Variants in PCDH9 observed in about 807,000 individuals in gnomAD.
PCDH9 encodes protocadherin-9.
PCDH9 carries 24 observed loss-of-function variants against 70.6 expected under a neutral mutation model. The ratio of observed to expected loss-of-function variants is 0.34; its 90% CI spans 0.25 to 0.48. PCDH9 has a LOEUF of 0.48. Ranked by LOEUF, PCDH9 falls within the 20% of genes least tolerant of loss-of-function variation. PCDH9 has a pLI of 0.99. For synonymous variants in PCDH9, 562 were observed against 558.5 expected (o/e 1.01, Z -0.09); for missense variants, 1,281 against 1,503.6 (o/e 0.85, Z 2.45).
chr13:67,192,155 G>A (rs2088933530), intron 2 of PCDH9, among the ~76,000 whole-genome samples: 1 of 151,978 alleles, frequency 6.6e-6, no homozygotes, highest in African/African-American at 2.4e-5. Flanking sequence ...AATACATATT[G>A]GGGATGGGGA....
intron 4 of PCDH9, among the ~76,000 whole-genome samples, chr13:66,430,836 G>C (rs569017220): frequency 6.6e-6 from 1 of 152,216 alleles, no homozygotes; most frequent in East Asian, 1.9e-4. Context: ...CAAAGGGTCT[G>C]TAGTGTGGGT....
At chr13:66,810,783 T>C (rs1451862570) in intron 3 of PCDH9, among the ~76,000 whole-genome samples, 2 of 151,800 alleles carry the variant, frequency 1.3e-5, no homozygotes, top group African/African-American at 4.8e-5. Context: ...TTTGGTGAAA[T>C]ATTTCAAGCT....
intron 4 of PCDH9, among the ~76,000 whole-genome samples, chr13:66,521,804 T>C (rs1380439932): frequency 8.5e-5 from 13 of 152,074 alleles, no homozygotes; most frequent in Admixed American, 8.5e-4. Context: ...TAGGGATTCT[T>C]AATCTGGGTC....
intron 4 of PCDH9, among the ~76,000 whole-genome samples, chr13:66,535,142 A>G (rs1019890922): frequency 6.6e-6 from 1 of 152,090 alleles, no homozygotes; most frequent in Non-Finnish European, 1.5e-5. Flanking sequence ...TGATAATAAT[A>G]ATAAAGTAAC....
intron 2 of PCDH9, among the ~76,000 whole-genome samples, chr13:67,075,982 T>G (rs1202100042): frequency 1.3e-5 from 2 of 152,172 alleles, no homozygotes; most frequent in Non-Finnish European, 2.9e-5. Context: ...ATGAGTACAT[T>G]ATTAGATTTA....
At chr13:67,027,504 A>C (rs1339255062) in intron 2 of PCDH9, among the ~76,000 whole-genome samples, 1 of 152,144 alleles carries the variant, frequency 6.6e-6, no homozygotes, top group Non-Finnish European at 1.5e-5. Flanking sequence ...GGACACAGGC[A>C]TGGGCAAGGA....
At chr13:66,581,285 A>G (rs1251578420) in intron 4 of PCDH9, among the ~76,000 whole-genome samples, 4 of 152,148 alleles carry the variant, frequency 2.6e-5, no homozygotes. Flanking sequence ...GTCACTGGCA[A>G]CTCAGTATCA....
At chr13:67,208,415 T>A (rs1011593441) in intron 2 of PCDH9, 2 of 152,138 alleles carry the variant, frequency 1.3e-5, no homozygotes, top group Admixed American at 1.3e-4. Flanking sequence ...CAGAGAGCCA[T>A]ATGGTTATTC....
intron 3 of PCDH9, among the ~76,000 whole-genome samples, chr13:66,765,922 T>C (rs1267345996): frequency 6.6e-6 from 1 of 152,026 alleles, no homozygotes; most frequent in Non-Finnish European, 1.5e-5. Flanking sequence ...TCCCTTGAAA[T>C]AGTGCACTAT....
chr13:67,006,511 T>C (rs1240660660), intron 2 of PCDH9, among the ~76,000 whole-genome samples: 1 of 152,148 alleles, frequency 6.6e-6, no homozygotes, highest in Non-Finnish European at 1.5e-5. Context: ...AAATAAGTAT[T>C]TGTAGTCATA....
intron 2 of PCDH9, among the ~76,000 whole-genome samples, chr13:66,917,913 C>G (rs1342831661): frequency 6.6e-6 from 1 of 151,234 alleles, no homozygotes; most frequent in African/African-American, 2.4e-5. Flanking sequence ...ATTCCCTCTC[C>G]CCTACAAAAC....
At chr13:66,650,940 G>T (rs1472697462) in intron 3 of PCDH9, among the ~76,000 whole-genome samples, 2 of 151,938 alleles carry the variant, frequency 1.3e-5, no homozygotes, top group Non-Finnish European at 2.9e-5. Flanking sequence ...TGACCAGGGG[G>T]TGAGTGAAGA....
chr13:66,711,958 A>T (rs1234918617), intron 3 of PCDH9, among the ~76,000 whole-genome samples: 1 of 152,164 alleles, frequency 6.6e-6, no homozygotes, highest in Non-Finnish European at 1.5e-5. Flanking sequence ...CAGGTTTATG[A>T]CATTGCATGA....
At chr13:66,531,487 G>C (rs181021433) in intron 4 of PCDH9, among the ~76,000 whole-genome samples, 1 of 151,938 alleles carries the variant, frequency 6.6e-6, no homozygotes, top group African/African-American at 2.4e-5. Flanking sequence ...AGTATGTTAC[G>C]AAAGTCTCAA....
intron 2 of PCDH9, chr13:67,210,650 A>G (rs9599200): frequency 6.6e-6 from 1 of 151,990 alleles, no homozygotes; most frequent in Admixed American, 6.6e-5. Context: ...GAGTCCAATT[A>G]TCTAATTTTC....
chr13:66,400,209 C>T (rs910537945), intron 4 of PCDH9, among the ~76,000 whole-genome samples: 5 of 152,124 alleles, frequency 3.3e-5, no homozygotes, highest in Admixed American at 2.6e-4. Flanking sequence ...TGGCATGAAA[C>T]CTATCTACCT....
At chr13:66,963,211 T>C (rs2083376936) in intron 2 of PCDH9, among the ~76,000 whole-genome samples, 1 of 152,182 alleles carries the variant, frequency 6.6e-6, no homozygotes, top group East Asian at 1.9e-4. Context: ...ACTCATCACC[T>C]GTTGTGCGGC....
chr13:66,676,247 T>C (rs2078240966), intron 3 of PCDH9, among the ~76,000 whole-genome samples: 1 of 152,094 alleles, frequency 6.6e-6, no homozygotes, highest in Non-Finnish European at 1.5e-5. Flanking sequence ...TTTTGAAAAA[T>C]AGTGAAAAAG....
chr13:66,499,138 C>A (rs1321714998), intron 4 of PCDH9, among the ~76,000 whole-genome samples: 1 of 151,784 alleles, frequency 6.6e-6, no homozygotes. Context: ...AATCCTTATA[C>A]CCTATGTATT....
Sources: gnomAD v4.1 joint callset for allele counts (sites outside exome capture counted in the v4.1 genomes callset) on GRCh38, gnomAD v4.1.1 for gene constraint, MANE v1.5 for transcripts, NCBI Gene and HGNC (gene_info 2026-07-23, HGNC 2026-07-21) for gene names.